The following CADM2 variants were observed in gnomAD, a reference collection of about 807,000 sequenced individuals.
CADM2 encodes the protein immunoglobulin superfamily member 4D.
A neutral mutation model predicts 49.8 loss-of-function variants in CADM2; 12 were observed. The ratio of observed to expected loss-of-function variants is 0.24; its 90% CI spans 0.15 to 0.39. The LOEUF (loss-of-function observed/expected upper bound fraction) is 0.39, where lower values mean the gene tolerates loss of function less well. Among genes scored for constraint, CADM2 ranks in the 10% least tolerant of loss-of-function variants. The pLI is 1.00. For synonymous variants in CADM2, 214 were observed against 175.4 expected, an observed-to-expected ratio of 1.22 and a Z score of -1.74; for missense variants, 378 against 492.3, an observed-to-expected ratio of 0.77 and a Z score of 2.20.
intron 1 of CADM2, among the ~76,000 whole-genome samples, chr3:85,680,353 C>CAAAAT (rs2066005794): frequency 6.6e-6 from 1 of 152,072 alleles, no homozygotes; most frequent in African/African-American, 2.4e-5. Context: ...AGATAAAGGG[C>CAAAAT]TGATCTTGAA....
intron 1 of CADM2, among the ~76,000 whole-genome samples, chr3:85,436,238 TA>T (rs1293734373): frequency 3.3e-5 from 5 of 152,132 alleles, no homozygotes; most frequent in African/African-American, 1.2e-4. Flanking sequence ...ATTATTGGTG[TA>T]TAGGAATGCT....
chr3:85,691,562 T>C (rs1258868008), intron 1 of CADM2, among the ~76,000 whole-genome samples: 1 of 152,188 alleles, frequency 6.6e-6, no homozygotes, highest in Non-Finnish European at 1.5e-5. Context: ...TGGAAGTCAG[T>C]GTGGCCATTC....
At chr3:85,039,258 C>A (rs2035344117) in intron 1 of CADM2, among the ~76,000 whole-genome samples, 1 of 152,120 alleles carries the variant, frequency 6.6e-6, no homozygotes, top group African/African-American at 2.4e-5. Flanking sequence ...ACCTCGGCCT[C>A]CCAAAGTGCT....
chr3:85,848,254 T>C (rs1279953523), intron 3 of CADM2, among the ~76,000 whole-genome samples: 1 of 152,118 alleles, frequency 6.6e-6, no homozygotes, highest in African/African-American at 2.4e-5. Flanking sequence ...ATGCACCAAT[T>C]ATCAATAATT....
At position 85,568,457 on chromosome 3, in the gene CADM2, T is replaced by TTTCTC. The variant is rs2062356437; in HGVS notation, c.62-158064_62-158063insTCTCT. On this transcript the variant is annotated intron_variant, in intron 1 of 9. Transcript: ENST00000383699. ...TTTCTTTCTTTCTTTCTTTCTTTCT[T>TTTCTC]TCTTTCTCTTTCTCTCTCTTTCTTT... is the stretch of plus-strand genomic sequence containing the variant. Among the ~76,000 whole-genome samples, 23 of 36,024 alleles carry TTTCTC rather than the reference T, an allele frequency of 6.4e-4. 1 individual carries two copies. The highest frequency in any genetic ancestry group is 1.8e-3 in the African/African-American group (18 of 10,102). 23.6% of individuals were successfully genotyped at this position (36,024 alleles called of 152,430 possible).
At chr3:85,047,094 A>G (rs2035699247) in intron 1 of CADM2, among the ~76,000 whole-genome samples, 1 of 152,196 alleles carries the variant, frequency 6.6e-6, no homozygotes, top group South Asian at 2.1e-4. Context: ...ATTTTGCAAG[A>G]TATTCCATAA....
At chr3:85,347,438 T>C (rs983527619) in intron 1 of CADM2, among the ~76,000 whole-genome samples, 1 of 120,140 alleles carries the variant, frequency 8.3e-6, no homozygotes, top group African/African-American at 2.6e-5. Context: ...ATATAGCCAA[T>C]TTTTGGAAGA....
intron 1 of CADM2, among the ~76,000 whole-genome samples, chr3:85,674,112 C>T (rs975372842): frequency 3.3e-5 from 5 of 151,948 alleles, no homozygotes; most frequent in Non-Finnish European, 5.9e-5. Context: ...GATTTCAGCA[C>T]TTGTGAGGAT....
intron 1 of CADM2, among the ~76,000 whole-genome samples, chr3:85,428,607 A>G (rs914386473): frequency 2.7e-5 from 4 of 146,356 alleles, no homozygotes; most frequent in African/African-American, 7.4e-5. Flanking sequence ...TTTATTATAT[A>G]AAATATATAA....
chr3:85,814,003 G>T (rs940103020), intron 3 of CADM2, among the ~76,000 whole-genome samples: 2 of 152,124 alleles, frequency 1.3e-5, no homozygotes, highest in East Asian at 3.9e-4. Flanking sequence ...TGTTACTTAG[G>T]ATTGCCTTGG....
intron 8 of CADM2, among the ~76,000 whole-genome samples, chr3:86,023,813 A>G (rs1282944738): frequency 2.0e-5 from 3 of 152,044 alleles, no homozygotes; most frequent in Non-Finnish European, 4.4e-5. Flanking sequence ...TAGACTGCCA[A>G]CTCTGTCTTA....
Position 85,383,078 on chromosome 3 carries a change from A to G in CADM2, c.62-343444A>G, listed in dbSNP as rs141137654. On this transcript the variant is annotated intron_variant, in intron 1 of 9. Coordinates refer to ENST00000383699, the MANE Select transcript of CADM2 (RefSeq NM_001167675.2). ...GCAGCCATACTTGAACCACTCAGAC[A>G]CTGCTGACTGTTCAAACTGTGTTCA... Among the ~76,000 whole-genome samples, 138 of 152,280 alleles carry G rather than the reference A, an allele frequency of 9.1e-4. No individual in the cohort carries two copies. In the East Asian group the frequency reaches 0.015, roughly 16 times the overall value.
At chr3:86,015,125 G>A (rs1219980618) in intron 8 of CADM2, 46 of 527,986 alleles carry the variant, frequency 8.7e-5, no homozygotes, top group Non-Finnish European at 1.4e-4. Context: ...ATACCTAGGA[G>A]AGTTTTAAAA....
chr3:85,090,107 C>CA (rs533437247), intron 1 of CADM2, among the ~76,000 whole-genome samples: 516 of 151,060 alleles, frequency 3.4e-3, no homozygotes, highest in African/African-American at 0.011. Flanking sequence ...CATTTATATA[C>CA]AAAAAAAAGG....
At chr3:85,643,369 T>A (rs1359459604) in intron 1 of CADM2, among the ~76,000 whole-genome samples, 2 of 152,202 alleles carry the variant, frequency 1.3e-5, no homozygotes, top group African/African-American at 4.8e-5. Flanking sequence ...TAATTATTTG[T>A]TATAACACAA....
At chr3:85,658,363 A>T (rs2065274062) in intron 1 of CADM2, among the ~76,000 whole-genome samples, 1 of 151,768 alleles carries the variant, frequency 6.6e-6, no homozygotes, top group South Asian at 2.1e-4. Context: ...AGAAGAAACT[A>T]ACTCTGTCTG....
At chr3:85,718,761 T>A (rs2067389120) in intron 1 of CADM2, among the ~76,000 whole-genome samples, 1 of 151,686 alleles carries the variant, frequency 6.6e-6, no homozygotes, top group Admixed American at 6.6e-5. Context: ...GGAAAATAAG[T>A]AATTATATAG....
chr3:85,826,234 A>G (rs1475129036), intron 3 of CADM2, among the ~76,000 whole-genome samples: 6 of 151,958 alleles, frequency 3.9e-5, no homozygotes, highest in Non-Finnish European at 5.9e-5. Context: ...TGCGATACCA[A>G]TGAGTTAATC....
At chr3:85,466,465 C>CT (rs35225741) in intron 1 of CADM2, among the ~76,000 whole-genome samples, 2 of 152,192 alleles carry the variant, frequency 1.3e-5, no homozygotes, top group East Asian at 3.9e-4. Flanking sequence ...AACGCTTTGC[C>CT]TTTTTTGCAG....
Sources: allele counts gnomAD v4.1 joint callset (sites outside exome capture counted in the v4.1 genomes callset), GRCh38; gene constraint gnomAD v4.1.1; transcripts MANE v1.5; gene names NCBI Gene and HGNC (gene_info 2026-07-23, HGNC 2026-07-21).